CEP78: variants seen among roughly 807,000 people sequenced by gnomAD.
CEP78 encodes centrosomal protein 78.
Under a neutral mutation model 81.2 loss-of-function variants are expected in CEP78, and 76 were observed. The ratio of observed to expected loss-of-function variants is 0.94; its 90% CI spans 0.78 to 1.13. The LOEUF is 1.13. CEP78 is among the 50% of genes most tolerant of loss of function. The pLI is 0.00. For missense variants in CEP78, 918 were observed against 846.8 expected (o/e 1.08, Z -1.04); for synonymous variants, 293 against 301.4 (o/e 0.97, Z 0.29).
intron 11 of CEP78, among the ~76,000 whole-genome samples, chr9:78,256,560 T>C (rs566188189): frequency 2.3e-5 from 3 of 130,800 alleles, no homozygotes; most frequent in Non-Finnish European, 4.6e-5. Flanking sequence ...TGAGATGGAG[T>C]CTCGCTCTGT....
rs182452644 is a variant in CEP78 at position 78,236,385 on chromosome 9, C to T, written c.35C>T (p.Ala12Val). The T allele has an allele frequency of 7.1e-4, 1,125 of 1,590,198 alleles. 5 individuals are homozygous for T. In the African/African-American group the frequency reaches 0.012, roughly 17 times the overall value. ...TCCGTGAAGCTGCGCCGCGACAGCG[C>T]GGCGGACTTCTTCTCCCACTACGAG... is the stretch of plus-strand genomic sequence containing the variant. ...IDSVKLRRDS[A>V]ADFFSHYEYL... The change falls in exon 1 of 17, where the codon GCG (alanine) becomes GTG (valine). Residue 12 changes from alanine (A) to valine (V), a missense_variant. By Grantham distance (64) the Ala-to-Val change is moderately conservative (BLOSUM62 0). Transcript: ENST00000643273.
intron 10 of CEP78, chr9:78,254,062 T>C (rs1385029380): frequency 6.6e-6 from 1 of 152,188 alleles, no homozygotes; most frequent in Non-Finnish European, 1.5e-5. Context: ...TGTGACACAG[T>C]CAATTTTGAA....
chr9:78,277,534 G>A lies in CEP78; in HGVS notation c.*6683G>A, dbSNP rs1215887113. On this transcript the variant is annotated 3_prime_UTR_variant, in exon 17 of 17. Transcript: ENST00000643273. Reference sequence around the variant, plus strand: ...CAATCAGGAAAATTAAAGTTAAAATGAGATACTATTTTTCAATACATTGAA... The same window carrying A: ...CAATCAGGAAAATTAAAGTTAAAATAAGATACTATTTTTCAATACATTGAA... 1 of 152,152 alleles carries A rather than the reference G, an allele frequency of 6.6e-6. No individual in the cohort carries two copies. Among genetic ancestry groups the A allele is most frequent in the Non-Finnish European group, 1.5e-5 (1 of 68,010 alleles). 9.4% of individuals were successfully genotyped at this position (152,152 alleles called of 1,614,324 possible).
chr9:78,278,983 T>C lies in CEP78; in HGVS notation c.*8132T>C, dbSNP rs1484544816. On this transcript the variant is annotated 3_prime_UTR_variant, in exon 17 of 17. Coordinates refer to ENST00000643273, the MANE Select transcript of CEP78 (RefSeq NM_001330691.3). ...ATGGCTGGCTGCTCACAAAGGCACATAGTGAGTGATAGGGGCTGAAAGGGC... is the reference window on the plus strand; with the variant it reads ...ATGGCTGGCTGCTCACAAAGGCACACAGTGAGTGATAGGGGCTGAAAGGGC... The C allele has an allele frequency of 6.7e-6, 1 of 150,150 alleles. No homozygotes were observed. Among genetic ancestry groups the C allele is most frequent in the Non-Finnish European group, 1.5e-5 (1 of 67,950 alleles). 9.3% of individuals were successfully genotyped at this position (150,150 alleles called of 1,614,324 possible).
chr9:78,267,699 C>T (rs1326167172), intron 16 of CEP78, among the ~76,000 whole-genome samples: 1 of 152,074 alleles, frequency 6.6e-6, no homozygotes, highest in Admixed American at 6.6e-5. Context: ...AGAAAAAAGC[C>T]AATGAACACT....
At chr9:78,263,781 C>G (rs887863097) in intron 12 of CEP78, among the ~76,000 whole-genome samples, 1 of 152,046 alleles carries the variant, frequency 6.6e-6, no homozygotes, top group African/African-American at 2.4e-5. Context: ...AAGTATTTTA[C>G]TGGCAAAAAT....
Position 78,270,864 on chromosome 9 carries a change from A to T in CEP78, c.*13A>T, listed in dbSNP as rs112280309. On this transcript the variant is annotated 3_prime_UTR_variant, in exon 17 of 17. Coordinates refer to ENST00000643273, the MANE Select transcript of CEP78 (RefSeq NM_001330691.3). ...AGAATCCCATTGAAATGACTGGAGA[A>T]ATATTAAAATAAAAATAATAGCAGA... 487 of 689,926 alleles carry T rather than the reference A, an allele frequency of 7.1e-4. 3 individuals are homozygous for T. The highest frequency in any genetic ancestry group is 6.7e-3 in the African/African-American group (375 of 55,678). 42.7% of individuals were successfully genotyped at this position (689,926 alleles called of 1,614,324 possible). A position where few individuals can be genotyped will look rare whatever the true frequency, so the allele number is the denominator to read the frequency against.
intron 16 of CEP78, among the ~76,000 whole-genome samples, chr9:78,269,692 G>C (rs1476821188): frequency 2.6e-5 from 4 of 152,198 alleles, no homozygotes; most frequent in African/African-American, 9.7e-5. Context: ...GAAAATGCCA[G>C]ATTGCAGTAA....
At chr9:78,244,458 A>G (rs1826388099) in intron 5 of CEP78, among the ~76,000 whole-genome samples, 2 of 152,206 alleles carry the variant, frequency 1.3e-5, no homozygotes, top group African/African-American at 4.8e-5. Flanking sequence ...AAATTACTAA[A>G]GTTGAGTAAC....
At chr9:78,240,475 T>C (rs1464148536) in intron 3 of CEP78, 111 bp downstream of exon 3, 10 of 888,578 alleles carry the variant, frequency 1.1e-5, no homozygotes, top group South Asian at 2.9e-5. Context: ...CTCATATGCT[T>C]GTTCAAACCT....
At chr9:78,263,885 G>C (rs1000509189) in intron 12 of CEP78, among the ~76,000 whole-genome samples, 2 of 152,088 alleles carry the variant, frequency 1.3e-5, no homozygotes, top group East Asian at 1.9e-4. Context: ...AATATAGAAT[G>C]ATCCAGGTAT....
Position 78,271,093 on chromosome 9 carries a change from G to T in CEP78, c.*242G>T. The T allele has an allele frequency of 2.4e-6, 1 of 416,764 alleles. No homozygotes were observed. 25.8% of individuals were successfully genotyped at this position (416,764 alleles called of 1,614,324 possible). On this transcript the variant is annotated 3_prime_UTR_variant, in exon 17 of 17. Coordinates refer to ENST00000643273, the MANE Select transcript of CEP78 (RefSeq NM_001330691.3). The stretch of plus-strand genomic sequence containing the variant: ...AGAAATGCTGGGATCGGAGAATAAG[G>T]GAATTATCCAAAATGGCTCCGAAGA...
At chr9:78,269,315 T>A (rs1827640948) in intron 16 of CEP78, among the ~76,000 whole-genome samples, 1 of 152,146 alleles carries the variant, frequency 6.6e-6, no homozygotes, top group Non-Finnish European at 1.5e-5. Context: ...GAATATGGGA[T>A]AAAGAACTGC....
Position 78,264,210 on chromosome 9 carries a change from GCA to G in CEP78, c.1522_1523del (p.Gln508ValfsTer9). 1 of 1,598,042 alleles carries G rather than the reference GCA, an allele frequency of 6.3e-7. No individual in the cohort carries two copies. Among genetic ancestry groups the G allele is most frequent in the Non-Finnish European group, 8.5e-7 (1 of 1,173,068 alleles). On this transcript the variant is annotated frameshift_variant, in exon 13 of 17. Coordinates refer to ENST00000643273, the MANE Select transcript of CEP78 (RefSeq NM_001330691.3). LOFTEE classifies it high-confidence loss of function. ...INFSLSEALH[A>X]QSLTNMILDD... ...TTTCTCTTTGTCTGAAGCCCTTCAT[GCA>G]CAGTCATTGACAAATATGATCCTGG...
rs1397757462 is a variant in CEP78 at position 78,276,828 on chromosome 9, C to T, written c.*5977C>T. On this transcript the variant is annotated 3_prime_UTR_variant, in exon 17 of 17. Transcript: ENST00000643273. Reference sequence around the variant, plus strand: ...GACCCAACATAATAAATAGTTCTACCAAATTAATTTATAAATTCAAAGCAA... The same window carrying T: ...GACCCAACATAATAAATAGTTCTACTAAATTAATTTATAAATTCAAAGCAA... 1 of 151,922 alleles carries T rather than the reference C, an allele frequency of 6.6e-6. No individual in the cohort carries two copies. Among genetic ancestry groups the T allele is most frequent in the African/African-American group, 2.4e-5 (1 of 41,358 alleles). The allele number at this position is 151,922 out of a possible 1,614,324, so 9.4% of individuals were successfully genotyped here.
intron 7 of CEP78, 50 bp from the exon 8 acceptor site, chr9:78,248,712 C>A: frequency 1.0e-6 from 1 of 954,152 alleles, no homozygotes. Flanking sequence ...AGATGTAGCC[C>A]TCATAAATGA....
At position 78,276,378 on chromosome 9, in the gene CEP78, A is replaced by G. The variant is rs1318453123; in HGVS notation, c.*5527A>G. ...TAGCTTAGCTTCTTGGCTTCATTAAATATACCTAACAGAAATCCACAGGAA... is the reference window on the plus strand; with the variant it reads ...TAGCTTAGCTTCTTGGCTTCATTAAGTATACCTAACAGAAATCCACAGGAA... On this transcript the variant is annotated 3_prime_UTR_variant, in exon 17 of 17. Transcript: ENST00000643273. 1 of 152,258 alleles carries G rather than the reference A, an allele frequency of 6.6e-6. No homozygotes were observed. The highest frequency in any genetic ancestry group is 2.4e-5 in the African/African-American group (1 of 41,478). 9.4% of individuals were successfully genotyped at this position (152,258 alleles called of 1,614,324 possible).
intron 1 of CEP78, among the ~76,000 whole-genome samples, chr9:78,237,703 A>G (rs1187372141): frequency 6.6e-6 from 1 of 152,198 alleles, no homozygotes; most frequent in Non-Finnish European, 1.5e-5. Context: ...CTGTAGGATG[A>G]TGAGATGGAA....
At chr9:78,249,307 C>A (rs1826647962) in intron 8 of CEP78, 1 of 152,354 alleles carries the variant, frequency 6.6e-6, no homozygotes, top group Non-Finnish European at 1.5e-5. Flanking sequence ...TTGTTTCCTC[C>A]TCCTTCCTTG....
Sources: gnomAD v4.1 joint callset for allele counts (sites outside exome capture counted in the v4.1 genomes callset) on GRCh38, gnomAD v4.1.1 for gene constraint, MANE v1.5 for transcripts, NCBI Gene and HGNC (gene_info 2026-07-23, HGNC 2026-07-21) for gene names.